The following MUC5AC variants were observed in gnomAD, a reference collection of about 807,000 sequenced individuals.
MUC5AC encodes the protein mucin 5AC, oligomeric mucus/gel-forming, also known as mucin-5AC.
A neutral mutation model predicts 169.7 loss-of-function variants in MUC5AC; 158 were observed. That is an observed-to-expected ratio of 0.93 (90% CI 0.82 to 1.06). The LOEUF (loss-of-function observed/expected upper bound fraction) is 1.06. MUC5AC is among the 50% of genes least tolerant of loss of function. The probability of loss-of-function intolerance (pLI) is 0.00; values close to 1 mark genes in which losing one functional copy is unlikely to be tolerated. For missense variants in MUC5AC, 4,359 were observed against 3,089.9 expected (o/e 1.41, Z -9.74); for synonymous variants, 1,975 against 1,237.0 (o/e 1.60, Z -12.52).
chr11:1,163,199 C>T (rs1377161829), intron 6 of MUC5AC, among the ~76,000 whole-genome samples, 154 bp downstream of exon 6: 11 of 152,240 alleles, frequency 7.2e-5, no homozygotes, highest in African/African-American at 1.4e-4. Flanking sequence ...CGTGCACACA[C>T]GCGATCCCGC....
In MUC5AC at chr11:1,190,991, A is replaced by T. The variant is rs1335689774; in HGVS notation, c.12846A>T (p.Thr4282=). The T allele has an allele frequency of 1.6e-6, 1 of 620,864 alleles. No homozygotes were observed. The allele number at this position is 620,864 out of a possible 1,614,324, so 38.5% of individuals were successfully genotyped here. A position where few individuals can be genotyped will look rare whatever the true frequency, so the allele number is the denominator to read the frequency against. ...CCTCTGCTCCTACAACCAGAACAAC[A>T]TCTGCTCCTACAAGCAGCATGACCT... is the stretch of plus-strand genomic sequence containing the variant. ...STTSAPTTRT[T]SAPTSSMTSG... The change falls in exon 31 of 49, where the codon ACA becomes ACT. Residue 4282 remains threonine, a synonymous_variant. Transcript: ENST00000621226.
At position 1,161,888 on chromosome 11, in the gene MUC5AC, C is replaced by G. The variant is rs111689531; in HGVS notation, c.212-19C>G. The G allele has an allele frequency of 3.7e-6, 6 of 1,606,838 alleles. No homozygotes were observed. The African/African-American group carries it at 6.7e-5, about 18-fold the overall frequency. ...GGATGAGGGCGACGCCCCCAAACAC[C>G]ATGCTGCTTCCACCGCAGCCTCCAA... On this transcript the variant is annotated intron_variant, in intron 3 of 48. Coordinates refer to ENST00000621226, the MANE Select transcript of MUC5AC (RefSeq NM_001304359.2).
chr11:1,193,886 T>C (rs1861188867), intron 33 of MUC5AC, among the ~76,000 whole-genome samples: 2 of 152,228 alleles, frequency 1.3e-5, no homozygotes, highest in Admixed American at 1.3e-4. Context: ...CTGGAGAAGG[T>C]GGAGGAGTCT....
At position 1,191,667 on chromosome 11, in the gene MUC5AC, G is replaced by A. The variant is rs1202729179; in HGVS notation, c.13522G>A (p.Gly4508Ser). 5.7e-6 allele frequency: 4 copies of A among 701,204 alleles called. 1 individual carries two copies. The highest frequency in any genetic ancestry group is 1.0e-5 in the Non-Finnish European group (4 of 386,724). 43.4% of individuals were successfully genotyped at this position (701,204 alleles called of 1,614,324 possible). ...TSASTASTTS[G>S]PGTTPSPVPT... ...TGCCTCTACAGCCAGCACAACCTCT[G>A]GTCCTGGAACTACTCCCAGCCCTGT... Residue 4508 changes from glycine (G) to serine (S), a missense_variant, in exon 31 of 49, where the codon GGT (glycine) becomes AGT (serine). Physicochemically the swap from Gly to Ser is moderately conservative, Grantham distance 56. Coordinates refer to ENST00000621226, the MANE Select transcript of MUC5AC (RefSeq NM_001304359.2).
intron 4 of MUC5AC, 86 bp downstream of exon 4, chr11:1,162,254 G>A (rs1590132947): frequency 1.3e-6 from 2 of 1,531,190 alleles, no homozygotes; most frequent in South Asian, 1.3e-5. Flanking sequence ...GGTCCTGGGA[G>A]GGATGTGGAT....
chr11:1,193,544 C>T lies in MUC5AC; in HGVS notation c.14640C>T (p.Val4880=), dbSNP rs548916842. The stretch of plus-strand genomic sequence containing the variant: ...AGGCCACCTGTGAGGGCAACAACGT[C>T]ATCTCCCTGCGCCCGCGCACGTGCC... ...CSEATCEGNN[V]ISLRPRTCPR... The change falls in exon 33 of 49, where the codon GTC becomes GTT. Residue 4880 remains valine, a synonymous_variant. Transcript: ENST00000621226. The T allele has an allele frequency of 1.3e-6, 1 of 762,688 alleles. No homozygotes were observed. The highest frequency in any genetic ancestry group is 2.4e-5 in the East Asian group (1 of 41,136). 47.2% of individuals were successfully genotyped at this position (762,688 alleles called of 1,614,324 possible).
rs1412688210 is a variant in MUC5AC at position 1,187,294 on chromosome 11, C to A, written c.9149C>A (p.Thr3050Asn). 7 of 700,712 alleles carry A rather than the reference C, an allele frequency of 1.0e-5. No homozygotes were observed. The Admixed American group carries it at 1.4e-4, about 14-fold the overall frequency. The allele number at this position is 700,712 out of a possible 1,614,324, so 43.4% of individuals were successfully genotyped here. ...PTSSTTSSPQ[T>N]STTSASTTSI... Reference sequence around the variant, plus strand: ...AGCAGCACAACCTCCTCTCCACAGACCAGCACAACCTCGGCTTCTACCACC... The same window carrying A: ...AGCAGCACAACCTCCTCTCCACAGAACAGCACAACCTCGGCTTCTACCACC... Residue 3050 changes from threonine (T) to asparagine (N), a missense_variant, in exon 31 of 49, where the codon ACC becomes AAC. Physicochemically the swap from Thr to Asn is moderately conservative, Grantham distance 65 (BLOSUM62 0). Coordinates refer to ENST00000621226, the MANE Select transcript of MUC5AC (RefSeq NM_001304359.2).
chr11:1,182,034 GT>G, intron 30 of MUC5AC, 120 bp from the exon 31 acceptor site: 1 of 398,260 alleles, frequency 2.5e-6, no homozygotes, highest in African/African-American at 2.1e-5. Flanking sequence ...GGGACCGCGG[GT>G]GGGGACAGGA....
chr11:1,166,413 A>C lies in MUC5AC; in HGVS notation c.1386+653A>C, dbSNP rs188579169. Among the ~76,000 whole-genome samples the C allele has an allele frequency of 5.1e-3, 719 of 141,070 alleles. 9 individuals are homozygous for C. The highest frequency in any genetic ancestry group is 0.011 in the South Asian group (48 of 4,252). 92.5% of individuals were successfully genotyped at this position (141,070 alleles called of 152,430 possible). On this transcript the variant is annotated intron_variant, in intron 11 of 48. Coordinates refer to ENST00000621226, the MANE Select transcript of MUC5AC (RefSeq NM_001304359.2). ...CAATGAGACCCTGCACCCGACACAC[A>C]GTCTCTGCACGATGAGAGCCTGCAC...
Position 1,163,782 on chromosome 11 carries a change from C to G in MUC5AC, c.680-100C>G. 4 of 946,408 alleles carry G rather than the reference C, an allele frequency of 4.2e-6. No homozygotes were observed. The South Asian group carries it at 4.4e-5, about 10-fold the overall frequency. 58.6% of individuals were successfully genotyped at this position (946,408 alleles called of 1,614,324 possible). A position where few individuals can be genotyped will look rare whatever the true frequency, so the allele number is the denominator to read the frequency against. On this transcript the variant is annotated intron_variant, in intron 6 of 48. Coordinates refer to ENST00000621226, the MANE Select transcript of MUC5AC (RefSeq NM_001304359.2). ...CAGGAGCCACCGATGGCCCTTCTAA[C>G]CCCACCCCAGGGACCCGGCCCTGGG...
chr11:1,171,641 C>CCACT (rs1335077188), intron 15 of MUC5AC, among the ~76,000 whole-genome samples: 3 of 124,084 alleles, frequency 2.4e-5, no homozygotes, highest in Admixed American at 1.6e-4. Context: ...ACCCACTCAC[C>CCACT]CACTCACTCA....
At position 1,176,042 on chromosome 11, in the gene MUC5AC, G is replaced by A. The variant is rs927166870; in HGVS notation, c.2402-109G>A. On this transcript the variant is annotated intron_variant, in intron 19 of 48. Transcript: ENST00000621226. ...TGCACTCACACCCACTCATGCACACGCACCCACTCAATGTGCACGCACATG... is the reference window on the plus strand; with the variant it reads ...TGCACTCACACCCACTCATGCACACACACCCACTCAATGTGCACGCACATG... 6.0e-4 allele frequency: 239 copies of A among 396,420 alleles called. 4 individuals carry two copies. In the South Asian group the frequency reaches 0.015, roughly 26 times the overall value. 24.6% of individuals were successfully genotyped at this position (396,420 alleles called of 1,614,324 possible).
At chr11:1,162,840 T>C in intron 5 of MUC5AC, 115 bp from the exon 6 acceptor site, 1 of 1,130,630 alleles carries the variant, frequency 8.8e-7, no homozygotes, top group Non-Finnish European at 1.3e-6. Context: ...TGGAGACTGC[T>C]TTCGGGGGTG....
In MUC5AC at chr11:1,182,451, G is replaced by A. The variant is rs1286691825; in HGVS notation, c.4306G>A (p.Gly1436Arg). Residue 1436 changes from glycine to arginine, a missense_variant, in exon 31 of 49, where the codon GGA becomes AGA. Coordinates refer to ENST00000621226, the MANE Select transcript of MUC5AC (RefSeq NM_001304359.2). ...GGAGTGCCGAGCTGAGGACGCCCCCGGAGTGCCGCTCCGAGCCCTGGGGCA... is the reference window on the plus strand; with the variant it reads ...GGAGTGCCGAGCTGAGGACGCCCCCAGAGTGCCGCTCCGAGCCCTGGGGCA... ...SVECRAEDAPGVPLRALGQRV... is the reference protein window; with the variant it reads ...SVECRAEDAPRVPLRALGQRV... 1.3e-5 allele frequency: 5 copies of A among 398,580 alleles called. No individual in the cohort carries two copies. The highest frequency in any genetic ancestry group is 1.3e-4 in the South Asian group (1 of 7,860). The allele number at this position is 398,580 out of a possible 1,614,324, so 24.7% of individuals were successfully genotyped here. A position where few individuals can be genotyped will look rare whatever the true frequency, so the allele number is the denominator to read the frequency against.
rs1860937318 is a variant in MUC5AC at position 1,186,113 on chromosome 11, T to C, written c.7968T>C (p.Pro2656=). 3 of 747,130 alleles carry C rather than the reference T, an allele frequency of 4.0e-6. No individual in the cohort carries two copies. Among genetic ancestry groups the C allele is most frequent in the Non-Finnish European group, 7.3e-6 (3 of 408,248 alleles). The allele number at this position is 747,130 out of a possible 1,614,324, so 46.3% of individuals were successfully genotyped here. A position where few individuals can be genotyped will look rare whatever the true frequency, so the allele number is the denominator to read the frequency against. ...CTACAACTAGCACAACCTCTGGTCCTGGAACTACTCCCAGCCCTGTTCCTA... is the reference window on the plus strand; with the variant it reads ...CTACAACTAGCACAACCTCTGGTCCCGGAACTACTCCCAGCCCTGTTCCTA... ...SASTTSTTSG[P]GTTPSPVPTT... Residue 2656 remains proline (P), a synonymous_variant, in exon 31 of 49, where the codon CCT becomes CCC. Transcript: ENST00000621226.
chr11:1,162,507 C>A, intron 4 of MUC5AC, 25 bp from the exon 5 acceptor site: 3 of 1,601,044 alleles, frequency 1.9e-6, no homozygotes, highest in Non-Finnish European at 2.6e-6. Context: ...CGCTCCCAGC[C>A]CCTCAGCCCT....
At position 1,160,639 on chromosome 11, in the gene MUC5AC, C is replaced by T. The variant is rs1485448459; in HGVS notation, c.101C>T (p.Ser34Phe). The change falls in exon 2 of 49, where the codon TCC (serine) becomes TTC (phenylalanine). Residue 34 changes from serine (S) to phenylalanine (F), a missense_variant. Coordinates refer to ENST00000621226, the MANE Select transcript of MUC5AC (RefSeq NM_001304359.2). ...TGHAQDGSSE[S>F]SYKHHPALSP... Reference sequence around the variant, plus strand: ...CATGCCCAGGATGGCTCCTCCGAATCCAGCTACAAGCACCACCCTGCCCTC... The same window carrying T: ...CATGCCCAGGATGGCTCCTCCGAATTCAGCTACAAGCACCACCCTGCCCTC... The T allele has an allele frequency of 6.8e-6, 11 of 1,610,492 alleles. No homozygotes were observed. Among genetic ancestry groups the T allele is most frequent in the Non-Finnish European group, 9.3e-6 (11 of 1,179,622 alleles).
intron 1 of MUC5AC, among the ~76,000 whole-genome samples, chr11:1,160,078 G>C (rs1447586408): frequency 1.3e-5 from 2 of 152,070 alleles, no homozygotes; most frequent in Non-Finnish European, 2.9e-5. Flanking sequence ...GCAGGGCTGT[G>C]CGGGGCTGGG....
At chr11:1,196,501 C>A in intron 38 of MUC5AC, 26 bp downstream of exon 38, 1 of 764,788 alleles carries the variant, frequency 1.3e-6, no homozygotes, top group South Asian at 1.3e-5. Flanking sequence ...CCTGGCCCTG[C>A]CATGGGCTGC....
Sources: gnomAD v4.1 joint callset for allele counts (sites outside exome capture counted in the v4.1 genomes callset) on GRCh38, gnomAD v4.1.1 for gene constraint, MANE v1.5 for transcripts, NCBI Gene and HGNC (gene_info 2026-07-23, HGNC 2026-07-21) for gene names.